The following CNTN3 variants were observed in gnomAD, a reference collection of about 807,000 sequenced individuals.
CNTN3 encodes the protein contactin-3.
CNTN3 carries 60 observed loss-of-function variants against 119.1 expected under a neutral mutation model. The observed-to-expected ratio is 0.50, with a 90% confidence interval of 0.41 to 0.62. CNTN3 has a LOEUF of 0.62. CNTN3 is among the 20% of genes least tolerant of loss of function. The probability of loss-of-function intolerance (pLI) is 0.00; values close to 1 mark genes in which losing one functional copy is unlikely to be tolerated. For synonymous variants in CNTN3, 450 were observed against 438.7 expected, an observed-to-expected ratio of 1.03 and a Z score of -0.32; for missense variants, 1,101 against 1,242.4, an observed-to-expected ratio of 0.89 and a Z score of 1.71.
intron 13 of CNTN3, among the ~76,000 whole-genome samples, chr3:74,305,039 G>A (rs759987141): frequency 1.5e-4 from 23 of 152,108 alleles, no homozygotes; most frequent in Non-Finnish European, 2.9e-4. Context: ...TAACAAAAGC[G>A]CATCCATTGC....
At chr3:74,363,604 T>C (rs1231179215) in intron 10 of CNTN3, among the ~76,000 whole-genome samples, 2 of 152,150 alleles carry the variant, frequency 1.3e-5, no homozygotes, top group African/African-American at 4.8e-5. Flanking sequence ...AATCAGGCTA[T>C]ATGGGGCCAA....
chr3:74,591,254 A>C (rs1218630859), intron 1 of CNTN3, among the ~76,000 whole-genome samples: 3 of 152,128 alleles, frequency 2.0e-5, no homozygotes, highest in South Asian at 2.1e-4. Flanking sequence ...AGGGGATGTT[A>C]GAAATTATTA....
In CNTN3 at chr3:74,312,255, C is replaced by T. The variant is rs886733582; in HGVS notation, c.1669-9448G>A. On this transcript the variant is annotated intron_variant, in intron 13 of 22. Transcript: ENST00000263665. The stretch of plus-strand genomic sequence containing the variant: ...GATCACGAGGTCAGGAGATCGAGAC[C>T]ATCCTGGCAAACATGGTGAAACCAT... Among the ~76,000 whole-genome samples the T allele has an allele frequency of 1.3e-4, 19 of 151,884 alleles. 1 individual carries two copies. The highest frequency in any genetic ancestry group is 1.2e-3 in the Admixed American group (18 of 15,258).
At chr3:74,287,158 T>G (rs548883052) in intron 19 of CNTN3, among the ~76,000 whole-genome samples, 2 of 152,316 alleles carry the variant, frequency 1.3e-5, no homozygotes, top group South Asian at 4.1e-4. Flanking sequence ...CCATGAGACA[T>G]CAAAACTCCA....
chr3:74,271,223 C>T (rs1358186962), intron 20 of CNTN3, among the ~76,000 whole-genome samples: 3 of 152,030 alleles, frequency 2.0e-5, no homozygotes, highest in Admixed American at 6.6e-5. Flanking sequence ...TAAATTGTGG[C>T]GTTCATCACA....
At chr3:74,337,132 G>A (rs550939528) in intron 11 of CNTN3, among the ~76,000 whole-genome samples, 30 of 152,096 alleles carry the variant, frequency 2.0e-4, no homozygotes, top group South Asian at 4.1e-4. Context: ...GAGTCACATC[G>A]CCCCAATAAA....
At position 74,270,088 on chromosome 3, in the gene CNTN3, A is replaced by C. The variant is rs72890571; in HGVS notation, c.2705-2710T>G. 9.7e-3 allele frequency among the ~76,000 whole-genome samples: 1,476 copies of C among 152,328 alleles called. 30 individuals are homozygous for C. The highest frequency in any genetic ancestry group is 0.034 in the African/African-American group (1,407 of 41,580). ...TAGTGAGAAGTATTATGTGGATTCA[A>C]ACCAGCTCTGTTTAAGTCCTCTGCA... On this transcript the variant is annotated intron_variant, in intron 20 of 22. Coordinates refer to ENST00000263665, the MANE Select transcript of CNTN3 (RefSeq NM_020872.3).
At chr3:74,594,281 T>C (rs901336338) in intron 1 of CNTN3, among the ~76,000 whole-genome samples, 35 of 149,712 alleles carry the variant, frequency 2.3e-4, no homozygotes, top group African/African-American at 8.1e-4. Flanking sequence ...TTCTTTTTTT[T>C]TTTTTTTTTA....
At chr3:74,289,397 GTAAT>G (rs1702181137) in intron 19 of CNTN3, among the ~76,000 whole-genome samples, 1 of 152,146 alleles carries the variant, frequency 6.6e-6, no homozygotes, top group South Asian at 2.1e-4. Flanking sequence ...ATTTCAACCT[GTAAT>G]TAATTTCAAG....
chr3:74,376,700 C>A (rs9867203), intron 5 of CNTN3, among the ~76,000 whole-genome samples: 4,330 of 152,172 alleles, frequency 0.028, 196 homozygotes, highest in African/African-American at 0.096. Context: ...CTGACACCCA[C>A]CCCAGTCCAT....
At chr3:74,533,309 G>C (rs1220542682) in intron 1 of CNTN3, among the ~76,000 whole-genome samples, 1 of 151,962 alleles carries the variant, frequency 6.6e-6, no homozygotes, top group East Asian at 1.9e-4. Flanking sequence ...AGCTCTCTTA[G>C]GCTAAACATA....
At chr3:74,268,334 T>C (rs1354186365) in intron 20 of CNTN3, among the ~76,000 whole-genome samples, 3 of 152,170 alleles carry the variant, frequency 2.0e-5, no homozygotes, top group African/African-American at 4.8e-5. Flanking sequence ...AGCATCACAA[T>C]TGCCCTCAGT....
intron 4 of CNTN3, among the ~76,000 whole-genome samples, chr3:74,453,530 A>G (rs1329670432): frequency 1.3e-5 from 2 of 151,408 alleles, no homozygotes; most frequent in East Asian, 3.9e-4. Flanking sequence ...TTCTGCTCTC[A>G]TCTTAGTTAT....
chr3:74,290,978 C>T (rs1391146820), intron 19 of CNTN3, among the ~76,000 whole-genome samples: 2 of 151,884 alleles, frequency 1.3e-5, no homozygotes, highest in African/African-American at 2.4e-5. Flanking sequence ...TATACATGTG[C>T]CATGTTGGTG....
chr3:74,489,019 C>A (rs781271000), intron 3 of CNTN3, among the ~76,000 whole-genome samples: 5 of 152,148 alleles, frequency 3.3e-5, no homozygotes, highest in Admixed American at 1.3e-4. Context: ...CACTCATAAA[C>A]CTTCTTTCAT....
intron 19 of CNTN3, among the ~76,000 whole-genome samples, chr3:74,286,059 TA>T (rs1291864425): frequency 2.0e-5 from 3 of 152,010 alleles, no homozygotes; most frequent in African/African-American, 7.2e-5. Flanking sequence ...AAGAACAGAC[TA>T]TCTCTATGCT....
intron 1 of CNTN3, among the ~76,000 whole-genome samples, chr3:74,537,927 C>T (rs1703788675): frequency 6.6e-6 from 1 of 152,056 alleles, no homozygotes; most frequent in African/African-American, 2.4e-5. Flanking sequence ...CAGAGAAGGG[C>T]AGCCCGAGGG....
At chr3:74,603,175 T>C (rs1232916895) in intron 1 of CNTN3, among the ~76,000 whole-genome samples, 4 of 152,134 alleles carry the variant, frequency 2.6e-5, no homozygotes, top group Non-Finnish European at 4.4e-5. Flanking sequence ...CCAACTCCAG[T>C]CTTTGTGCTT....
At chr3:74,579,162 CT>C (rs1208909492) in intron 1 of CNTN3, among the ~76,000 whole-genome samples, 1 of 149,640 alleles carries the variant, frequency 6.7e-6, no homozygotes, top group African/African-American at 2.4e-5. Context: ...ACTAAAAGTC[CT>C]TTCCATAATG....
Sources: gnomAD v4.1 joint callset for allele counts (sites outside exome capture counted in the v4.1 genomes callset) on GRCh38, gnomAD v4.1.1 for gene constraint, MANE v1.5 for transcripts, NCBI Gene and HGNC (gene_info 2026-07-23, HGNC 2026-07-21) for gene names.